MYH13: variants seen among roughly 807,000 people sequenced by gnomAD.
MYH13 encodes myosin heavy chain 13.
Under a neutral mutation model 232.1 loss-of-function variants are expected in MYH13, and 177 were observed. The observed-to-expected ratio is 0.76, with a 90% CI of 0.67 to 0.86. The LOEUF (loss-of-function observed/expected upper bound fraction) is 0.86. MYH13 is among the 40% of genes least tolerant of loss of function. The pLI, the probability that MYH13 is intolerant of heterozygous loss-of-function variation, is 0.00. For synonymous variants in MYH13, 884 were observed against 923.5 expected, an observed-to-expected ratio of 0.96 and a Z score of 0.78; for missense variants, 2,246 against 2,405.9, an observed-to-expected ratio of 0.93 and a Z score of 1.39.
intron 2 of MYH13, among the ~76,000 whole-genome samples, chr17:10,370,181 T>C (rs1323858686): frequency 6.6e-6 from 1 of 152,228 alleles, no homozygotes; most frequent in Admixed American, 6.5e-5. Context: ...GAGGTGGTGA[T>C]TGCCTGTTGG....
At chr17:10,366,953 T>C (rs544487772) in intron 2 of MYH13, among the ~76,000 whole-genome samples, 1 of 152,330 alleles carries the variant, frequency 6.6e-6, no homozygotes, top group African/African-American at 2.4e-5. Flanking sequence ...TGTGGGTTCA[T>C]GGTTAGGTTT....
At position 10,312,053 on chromosome 17, in the gene MYH13, C is replaced by G; in HGVS notation, c.4389G>C (p.Lys1463Asn). ...FDKVLAEWKQKLDESQAELEA... is the reference protein window; with the variant it reads ...FDKVLAEWKQNLDESQAELEA... ...CCAACTCAGCCTGGCTTTCGTCCAGCTTTTGCTTCCACTCTGCAAGGACCT... is the reference window on the plus strand; with the variant it reads ...CCAACTCAGCCTGGCTTTCGTCCAGGTTTTGCTTCCACTCTGCAAGGACCT... The change falls in exon 32 of 41, where the codon AAG becomes AAC. Residue 1463 changes from lysine to asparagine, a missense_variant. Lys to Asn is a moderately conservative substitution (Grantham distance 94). Transcript: ENST00000252172. The G allele has an allele frequency of 6.2e-7, 1 of 1,613,864 alleles. No homozygotes were observed. The highest frequency in any genetic ancestry group is 8.5e-7 in the Non-Finnish European group (1 of 1,179,896).
At chr17:10,336,708 AG>A (rs1216266686) in intron 18 of MYH13, among the ~76,000 whole-genome samples, 2 of 152,166 alleles carry the variant, frequency 1.3e-5, no homozygotes, top group Non-Finnish European at 2.9e-5. Context: ...AACTTGAGAA[AG>A]TCCCTACATT....
intron 2 of MYH13, among the ~76,000 whole-genome samples, chr17:10,367,865 T>A (rs776900250): frequency 6.6e-6 from 1 of 152,216 alleles, no homozygotes; most frequent in Non-Finnish European, 1.5e-5. Context: ...AAGAGTATTT[T>A]AGTCACCTTT....
At chr17:10,311,440 A>G (rs1906506030) in intron 32 of MYH13, among the ~76,000 whole-genome samples, 1 of 152,368 alleles carries the variant, frequency 6.6e-6, no homozygotes, top group Non-Finnish European at 1.5e-5. Flanking sequence ...ATAGAAACTT[A>G]AAACTTCAAA....
chr17:10,316,004 G>A lies in MYH13; in HGVS notation c.3760C>T (p.Arg1254Trp), dbSNP rs549280731. 3.8e-5 allele frequency: 62 copies of A among 1,613,926 alleles called. No individual in the cohort carries two copies. Among genetic ancestry groups the A allele is most frequent in the Admixed American group, 2.0e-4 (12 of 60,008 alleles). ...TCACTAAATTGATCTTCTACCGTCCGGCACGTTCTTTCTATGTTACTCTTT... is the reference window on the plus strand; with the variant it reads ...TCACTAAATTGATCTTCTACCGTCCAGCACGTTCTTTCTATGTTACTCTTT... The part of the protein sequence containing the change: ...KSKSNIERTC[R>W]TVEDQFSEIK... The change falls in exon 28 of 41, where the codon CGG becomes TGG. Residue 1254 changes from arginine (R) to tryptophan (W), a missense_variant. By Grantham distance (101) the Arg-to-Trp change is moderately radical (BLOSUM62 -3). Coordinates refer to ENST00000252172, the MANE Select transcript of MYH13 (RefSeq NM_003802.3).
In MYH13 at chr17:10,345,248, A is replaced by G. The variant is rs535978962; in HGVS notation, c.1538T>C (p.Ile513Thr). The G allele has an allele frequency of 6.8e-6, 11 of 1,614,142 alleles. No individual in the cohort carries two copies. The highest frequency in any genetic ancestry group is 9.3e-6 in the Non-Finnish European group (11 of 1,180,022). The change falls in exon 15 of 41, where the codon ATT (isoleucine) becomes ACT (threonine). Residue 513 changes from isoleucine to threonine, a missense_variant. Transcript: ENST00000252172. Reference protein sequence around the residue: ...YKKEGIEWEFIDFGMDLAACI... With the variant: ...YKKEGIEWEFTDFGMDLAACI... ...GGCAGCCAGGTCCATTCCGAAGTCA[A>G]TGAACTCCCACTCGATGCCTTCCTT...
Position 10,307,072 on chromosome 17 carries a change from A to G in MYH13, c.5170-8T>C, listed in dbSNP as rs755616284. 6 of 1,613,224 alleles carry G rather than the reference A, an allele frequency of 3.7e-6. No homozygotes were observed. In the South Asian group the frequency reaches 4.4e-5, roughly 12 times the overall value. ...ATTTATCAGGCTTGTGTTCTACAAG[A>G]AGAATTAGATATCAGGGGTGTGGGT... is the stretch of plus-strand genomic sequence containing the variant. On this transcript the variant is annotated splice_polypyrimidine_tract_variant and splice_region_variant and intron_variant, in intron 35 of 40. Transcript: ENST00000252172.
intron 35 of MYH13, among the ~76,000 whole-genome samples, chr17:10,309,027 A>G (rs1906391786): frequency 6.6e-6 from 1 of 152,266 alleles, no homozygotes; most frequent in Non-Finnish European, 1.5e-5. Flanking sequence ...GATGAGAGAA[A>G]GCTCAGAAAT....
chr17:10,357,850 A>C (rs1389955530), intron 7 of MYH13, 23 bp from the exon 8 acceptor site: 1 of 1,600,794 alleles, frequency 6.2e-7, no homozygotes, highest in Non-Finnish European at 8.5e-7. Context: ...AAGAAGAGGA[A>C]AAAGAGGACT....
Position 10,309,369 on chromosome 17 carries a change from C to T in MYH13, c.5034G>A (p.Val1678=), listed in dbSNP as rs987867942. Residue 1678 remains valine (V), a synonymous_variant, in exon 35 of 41, where the codon GTG becomes GTA. Coordinates refer to ENST00000252172, the MANE Select transcript of MYH13 (RefSeq NM_003802.3). The part of the protein sequence containing the change: ...NEDLKEQLAI[V]ERRNGLLLEE... ...CCAGCAGGAGGCCATTCCTGCGCTC[C>T]ACGATGGCCAGCTGCTCCTTGAGGT... 6.2e-7 allele frequency: 1 copy of T among 1,612,850 alleles called. No individual in the cohort carries two copies. The highest frequency in any genetic ancestry group is 8.5e-7 in the Non-Finnish European group (1 of 1,179,514).
chr17:10,348,982 A>C (rs560420809), intron 12 of MYH13, among the ~76,000 whole-genome samples: 1 of 151,466 alleles, frequency 6.6e-6, no homozygotes, highest in East Asian at 2.0e-4. Context: ...CCCTTTGCAC[A>C]TGACCCTTCC....
rs763136585 is a variant in MYH13 at position 10,320,335 on chromosome 17, T to C, written c.3257+16A>G. On this transcript the variant is annotated intron_variant, in intron 25 of 40. Transcript: ENST00000252172. Reference sequence around the variant, plus strand: ...CTTTTAGGCTGAGACACAGAGGTGGTAAAAGAAATATCTACTTTTTCAATT... The same window carrying C: ...CTTTTAGGCTGAGACACAGAGGTGGCAAAAGAAATATCTACTTTTTCAATT... 6.2e-7 allele frequency: 1 copy of C among 1,610,768 alleles called. No homozygotes were observed. The highest frequency in any genetic ancestry group is 8.5e-7 in the Non-Finnish European group (1 of 1,178,338).
chr17:10,354,686 C>T lies in MYH13; in HGVS notation c.999G>A (p.Ala333=), dbSNP rs202154427. Residue 333 remains alanine, a synonymous_variant, in exon 11 of 41, where the codon GCG becomes GCA. Transcript: ENST00000252172. ...AAATAAATGGCATGCTTACATCTGT[C>T]GCCAGCAGTTCTTCACTGTCATCGA... ...ASIDDSEELL[A]TDNAIDILGF... 52 of 1,612,676 alleles carry T rather than the reference C, an allele frequency of 3.2e-5. No individual in the cohort carries two copies. In the Admixed American group the frequency reaches 4.8e-4, roughly 15 times the overall value.
chr17:10,307,754 T>A (rs1335618439), intron 35 of MYH13, among the ~76,000 whole-genome samples: 1 of 152,190 alleles, frequency 6.6e-6, no homozygotes, highest in Non-Finnish European at 1.5e-5. Flanking sequence ...ACAACCTTGT[T>A]AAAGAACAAT....
At chr17:10,332,949 G>T in intron 19 of MYH13, 125 bp downstream of exon 19, 1 of 788,716 alleles carries the variant, frequency 1.3e-6, no homozygotes, top group Non-Finnish European at 2.1e-6. Flanking sequence ...TCTAGCAAGA[G>T]ATGAAGTCTG....
In MYH13 at chr17:10,360,092, G is replaced by A. The variant is rs200960839; in HGVS notation, c.534-21C>T. 1.8e-4 allele frequency: 286 copies of A among 1,613,930 alleles called. 1 individual carries two copies. In the African/African-American group the frequency reaches 3.3e-3, roughly 19 times the overall value. ...CTCCGCTGCCAATTTAAAAGTAAAC[G>A]GGATAAAGGAGAGTGGAAGGGAGGG... is the stretch of plus-strand genomic sequence containing the variant. On this transcript the variant is annotated intron_variant, in intron 6 of 40. Coordinates refer to ENST00000252172, the MANE Select transcript of MYH13 (RefSeq NM_003802.3).
chr17:10,343,044 T>A lies in MYH13; in HGVS notation c.1894+756A>T, dbSNP rs1419609725. On this transcript the variant is annotated intron_variant, in intron 16 of 40. Transcript: ENST00000252172. ...GGCAGAGCCTGCAGTGAGCCGAGATTGCACCACTGCACTCCAGCCTGGAGA... is the reference window on the plus strand; with the variant it reads ...GGCAGAGCCTGCAGTGAGCCGAGATAGCACCACTGCACTCCAGCCTGGAGA... Among the ~76,000 whole-genome samples, 5 of 145,280 alleles carry A rather than the reference T, an allele frequency of 3.4e-5. No homozygotes were observed. In the Admixed American group the frequency reaches 3.5e-4, roughly 10 times the overall value.
intron 20 of MYH13, among the ~76,000 whole-genome samples, chr17:10,331,130 A>G (rs960013646): frequency 6.6e-6 from 1 of 152,184 alleles, no homozygotes; most frequent in African/African-American, 2.4e-5. Flanking sequence ...GGAAACAAAG[A>G]TGAGTCCAGA....
Sources: allele counts gnomAD v4.1 joint callset (sites outside exome capture counted in the v4.1 genomes callset), GRCh38; gene constraint gnomAD v4.1.1; transcripts MANE v1.5; gene names NCBI Gene and HGNC (gene_info 2026-07-23, HGNC 2026-07-21).